ANKRD44: variants seen among roughly 807,000 people sequenced by gnomAD.
The protein encoded by ANKRD44 is serine/threonine-protein phosphatase 6 regulatory ankyrin repeat subunit B.
ANKRD44 carries 35 observed loss-of-function variants against 116.0 expected under a neutral mutation model. The observed-to-expected ratio is 0.30, with a 90% CI of 0.23 to 0.40. ANKRD44 has a LOEUF of 0.40. ANKRD44 is among the 10% of genes least tolerant of loss of function. The pLI is 1.00. For synonymous variants in ANKRD44, 435 were observed against 461.8 expected, an observed-to-expected ratio of 0.94 and a Z score of 0.74; for missense variants, 1,014 against 1,242.6, an observed-to-expected ratio of 0.82 and a Z score of 2.77.
In ANKRD44 at chr2:197,267,557, G is replaced by A. The variant is rs186182670; in HGVS notation, c.27+43021C>T. ...TTAATGTTTCTTGATTCTCCACCACGTTCTAGATAGGTAAAAGGCCAGATA... is the reference window on the plus strand; with the variant it reads ...TTAATGTTTCTTGATTCTCCACCACATTCTAGATAGGTAAAAGGCCAGATA... On this transcript the variant is annotated intron_variant, in intron 1 of 27. Coordinates refer to ENST00000282272, the MANE Select transcript of ANKRD44 (RefSeq NM_001195144.2). Among the ~76,000 whole-genome samples the A allele has an allele frequency of 4.6e-5, 7 of 152,244 alleles. No homozygotes were observed. The South Asian group carries it at 8.3e-4, about 18-fold the overall frequency.
chr2:197,214,532 A>G (rs546551102), intron 1 of ANKRD44, among the ~76,000 whole-genome samples: 15 of 152,318 alleles, frequency 9.8e-5, no homozygotes, highest in South Asian at 4.1e-4. Flanking sequence ...AAAAAGACCA[A>G]GTCAGTAGTA....
At chr2:197,103,992 T>C (rs1481441953) in intron 9 of ANKRD44, among the ~76,000 whole-genome samples, 1 of 152,222 alleles carries the variant, frequency 6.6e-6, no homozygotes, top group African/African-American at 2.4e-5. Context: ...TATCAGTATC[T>C]AGAGAATTTA....
chr2:197,093,828 T>G (rs1197866666), intron 10 of ANKRD44, among the ~76,000 whole-genome samples: 1 of 152,182 alleles, frequency 6.6e-6, no homozygotes, highest in Non-Finnish European at 1.5e-5. Context: ...CACTCTTACT[T>G]CATCAGGTAT....
At chr2:197,169,567 C>G (rs763688898) in intron 2 of ANKRD44, among the ~76,000 whole-genome samples, 1 of 152,180 alleles carries the variant, frequency 6.6e-6, no homozygotes, top group Non-Finnish European at 1.5e-5. Context: ...CCCTACTCCA[C>G]TCCCACCTCC....
intron 26 of ANKRD44, 139 bp downstream of exon 26, chr2:196,995,240 T>C (rs1463124291): frequency 2.1e-6 from 1 of 478,762 alleles, no homozygotes; most frequent in African/African-American, 2.0e-5. Context: ...GACTGTCACC[T>C]TCATGCAGGG....
intron 16 of ANKRD44, among the ~76,000 whole-genome samples, chr2:197,047,699 C>G (rs1461412714): frequency 6.6e-6 from 1 of 152,038 alleles, no homozygotes; most frequent in Non-Finnish European, 1.5e-5. Context: ...ATCACGAACT[C>G]AGGAGATCAA....
At chr2:197,266,876 T>C (rs2082755079) in intron 1 of ANKRD44, among the ~76,000 whole-genome samples, 2 of 152,270 alleles carry the variant, frequency 1.3e-5, no homozygotes, top group South Asian at 2.1e-4. Flanking sequence ...AAATGTCCTA[T>C]ACGGTCTGTT....
Position 197,203,078 on chromosome 2 carries a change from T to C in ANKRD44, c.28-15972A>G, listed in dbSNP as rs1453402409. On this transcript the variant is annotated intron_variant, in intron 1 of 27. Transcript: ENST00000282272. This position sits in a 1 kb window ranked among gnomAD's most constrained non-coding sequence, Gnocchi z 4.1. ...GCTTCAACATACATGCAGCACTGAA[T>C]CTGATTCTTCATCTCAATACCTTCG... 6.6e-6 allele frequency among the ~76,000 whole-genome samples: 1 copy of C among 152,158 alleles called. No homozygotes were observed. Among genetic ancestry groups the C allele is most frequent in the Non-Finnish European group, 1.5e-5 (1 of 68,022 alleles).
intron 16 of ANKRD44, among the ~76,000 whole-genome samples, chr2:197,062,444 C>T (rs991566122): frequency 9.9e-5 from 15 of 152,188 alleles, no homozygotes; most frequent in African/African-American, 2.7e-4. Context: ...AGACAACATC[C>T]GATCTTTATT....
intron 13 of ANKRD44, among the ~76,000 whole-genome samples, chr2:197,086,004 G>A (rs1416502312): frequency 1.3e-5 from 2 of 152,078 alleles, no homozygotes; most frequent in Non-Finnish European, 2.9e-5. Flanking sequence ...AGAGGGGCAT[G>A]CCATCGGTGC....
At chr2:197,255,908 A>G (rs1223375102) in intron 1 of ANKRD44, among the ~76,000 whole-genome samples, 1 of 152,254 alleles carries the variant, frequency 6.6e-6, no homozygotes, top group African/African-American at 2.4e-5. Flanking sequence ...TGTGCTGTAC[A>G]TTGCAGGAGC....
Position 197,075,117 on chromosome 2 carries a change from A to G in ANKRD44, c.1650+3586T>C, listed in dbSNP as rs532997881. On this transcript the variant is annotated intron_variant, in intron 16 of 27. Coordinates refer to ENST00000282272, the MANE Select transcript of ANKRD44 (RefSeq NM_001195144.2). ...CATGAAAAAATCTCAGCCTGAAAGT[A>G]ATCAGAGGCCTAGAGTTTTCAATCT... Among the ~76,000 whole-genome samples, 117 of 152,292 alleles carry G rather than the reference A, an allele frequency of 7.7e-4. No individual in the cohort carries two copies. The South Asian group carries it at 0.023, about 30-fold the overall frequency.
At chr2:197,235,564 C>A (rs1412614511) in intron 1 of ANKRD44, among the ~76,000 whole-genome samples, 1 of 147,418 alleles carries the variant, frequency 6.8e-6, no homozygotes, top group African/African-American at 2.5e-5. Flanking sequence ...TGCAGTGAGC[C>A]GAGATTGTTG....
At chr2:197,261,052 CT>C (rs1357390662) in intron 1 of ANKRD44, among the ~76,000 whole-genome samples, 1 of 151,716 alleles carries the variant, frequency 6.6e-6, no homozygotes, top group Non-Finnish European at 1.5e-5. Flanking sequence ...ATGGTAGTTT[CT>C]TTTGCTGTGC....
intron 3 of ANKRD44, among the ~76,000 whole-genome samples, chr2:197,143,604 T>C (rs1166739609): frequency 2.6e-5 from 4 of 152,186 alleles, no homozygotes; most frequent in African/African-American, 9.6e-5. Flanking sequence ...CTATCATTGT[T>C]GGACATTTGG....
intron 1 of ANKRD44, among the ~76,000 whole-genome samples, chr2:197,191,790 C>G (rs1024243014): frequency 6.6e-6 from 1 of 152,230 alleles, no homozygotes; most frequent in South Asian, 2.1e-4. Flanking sequence ...AACATGCACA[C>G]CATGCACATA....
At chr2:197,233,993 T>C (rs2081924077) in intron 1 of ANKRD44, among the ~76,000 whole-genome samples, 1 of 152,240 alleles carries the variant, frequency 6.6e-6, no homozygotes, top group Non-Finnish European at 1.5e-5. Context: ...CACTTAAAAA[T>C]ATGGGTGTAT....
chr2:196,984,683 A>G (rs1212143471), downstream of ANKRD44, among the ~76,000 whole-genome samples: 1 of 152,210 alleles, frequency 6.6e-6, no homozygotes, highest in African/African-American at 2.4e-5. Context: ...CCATTATCAC[A>G]TTTCTCTGCT....
intron 3 of ANKRD44, among the ~76,000 whole-genome samples, chr2:197,143,810 A>G (rs962366792): frequency 1.3e-5 from 2 of 152,096 alleles, no homozygotes; most frequent in African/African-American, 2.4e-5. Context: ...TTGTAATTTT[A>G]GTAGAGATGG....
Sources: gnomAD v4.1 joint callset for allele counts (sites outside exome capture counted in the v4.1 genomes callset) on GRCh38, gnomAD v4.1.1 for gene constraint, Gnocchi (gnomAD v3.1) non-coding constraint, MANE v1.5 for transcripts, NCBI Gene and HGNC (gene_info 2026-07-23, HGNC 2026-07-21) for gene names.